TTLL7: variants seen among roughly 807,000 people sequenced by gnomAD.
TTLL7 encodes the protein tubulin tyrosine ligase like 7.
In TTLL7, 53 loss-of-function variants were observed where a neutral mutation model predicts 120.2. The ratio of observed to expected loss-of-function variants is 0.44; its 90% CI spans 0.35 to 0.55. The LOEUF (loss-of-function observed/expected upper bound fraction) is 0.55, where lower values mean the gene tolerates loss of function less well. Among genes scored for constraint, TTLL7 ranks in the 20% least tolerant of loss-of-function variants. TTLL7 has a pLI of 0.00. For missense variants in TTLL7, 803 were observed against 1,054.7 expected (o/e 0.76, Z 3.31); for synonymous variants, 353 against 351.7 (o/e 1.00, Z -0.04).
intron 12 of TTLL7, 103 bp from the exon 13 acceptor site, chr1:83,919,937 G>T: frequency 9.5e-7 from 1 of 1,047,156 alleles, no homozygotes; most frequent in Non-Finnish European, 1.4e-6. Context: ...TTCTATACCA[G>T]TCACATTGCC....
chr1:83,903,858 C>T (rs1458691583), intron 18 of TTLL7, among the ~76,000 whole-genome samples: 1 of 151,986 alleles, frequency 6.6e-6, no homozygotes, highest in Admixed American at 6.6e-5. Context: ...GACATCTTAA[C>T]TAGAATGTAA....
rs962092439 is a variant in TTLL7 at position 83,922,694 on chromosome 1, C to G, written c.1143-1300G>C. ...TCAGCTTCTCACATGGACTTGAATA[C>G]TAGGTTATTGAGCCTCAAATTTAAC... On this transcript the variant is annotated intron_variant, in intron 10 of 20. Transcript: ENST00000260505. 1.4e-5 allele frequency among the ~76,000 whole-genome samples: 2 copies of G among 139,822 alleles called. 1 individual carries two copies. The highest frequency in any genetic ancestry group is 3.1e-5 in the Non-Finnish European group (2 of 63,574). The allele number at this position is 139,822 out of a possible 152,430, so 91.7% of individuals were successfully genotyped here.
At chr1:83,885,726 ACTGTATCCCCTACTC>A (rs936212005) in intron 19 of TTLL7, among the ~76,000 whole-genome samples, 14 of 152,086 alleles carry the variant, frequency 9.2e-5, no homozygotes, top group African/African-American at 3.4e-4. Flanking sequence ...TGAGTACAGA[ACTGTATCCCCTACTC>A]CTACCTGCCA....
chr1:83,929,215 T>C lies in TTLL7; in HGVS notation c.1063A>G (p.Ser355Gly). ...TCTATTTTCTGATCAGTTCCAAAGC[T>C]TGGGGCTCGGTTAATCTGAAATTTA... ...PWLLEINRAP[S>G]FGTDQKIDYD... The change falls in exon 10 of 21, where the codon AGC becomes GGC. Residue 355 changes from serine to glycine, a missense_variant. Around this residue, in one of 3 missense-constraint regions of TTLL7, gnomAD observed 324 missense variants for 507.7 expected, o/e 0.64. Coordinates refer to ENST00000260505, the MANE Select transcript of TTLL7 (RefSeq NM_024686.6). 2 of 1,610,678 alleles carry C rather than the reference T, an allele frequency of 1.2e-6. No individual in the cohort carries two copies. Among genetic ancestry groups the C allele is most frequent in the Non-Finnish European group, 8.5e-7 (1 of 1,178,044 alleles).
Position 83,942,508 on chromosome 1 carries a change from C to T in TTLL7, c.678G>A (p.Val226=), listed in dbSNP as rs1013301913. The T allele has an allele frequency of 2.5e-6, 4 of 1,613,876 alleles. No homozygotes were observed. The African/African-American group carries it at 5.3e-5, about 22-fold the overall frequency. ...LKIFLYHDGL[V]RMGTEKYIPP... ...GAATGTACTTCTCTGTACCCATTCG[C>T]ACAAGCCCATCATGGTAGAGAAATA... Residue 226 remains valine (V), a synonymous_variant, in exon 7 of 21, where the codon GTG becomes GTA. Coordinates refer to ENST00000260505, the MANE Select transcript of TTLL7 (RefSeq NM_024686.6).
intron 16 of TTLL7, among the ~76,000 whole-genome samples, chr1:83,906,679 T>A (rs952741930): frequency 2.0e-5 from 3 of 152,074 alleles, no homozygotes; most frequent in Non-Finnish European, 4.4e-5. Context: ...TTATACTTAT[T>A]TAGCTCAAAG....
At chr1:83,896,181 T>A (rs1297519578) in intron 18 of TTLL7, among the ~76,000 whole-genome samples, 1 of 152,098 alleles carries the variant, frequency 6.6e-6, no homozygotes, top group Non-Finnish European at 1.5e-5. Context: ...GGTGCCCTTG[T>A]GTTATCTGTG....
Position 83,921,359 on chromosome 1 carries a change from T to G in TTLL7, c.1178A>C (p.Lys393Thr). ...SDKRRNLAKQ[K>T]AEAQRRLYGQ... The stretch of plus-strand genomic sequence containing the variant: ...ATAGAGCCTCCTTTGAGCCTCAGCT[T>G]TTTGTTTGGCCAAGTTTCTTCTTTT... The change falls in exon 11 of 21, where the codon AAA becomes ACA. Residue 393 changes from lysine (K) to threonine (T), a missense_variant. This residue lies in a region of TTLL7 where 324 missense variants were observed against 507.7 expected (regional missense o/e 0.64). Coordinates refer to ENST00000260505, the MANE Select transcript of TTLL7 (RefSeq NM_024686.6). The G allele has an allele frequency of 3.1e-6, 5 of 1,611,900 alleles. No individual in the cohort carries two copies. Among genetic ancestry groups the G allele is most frequent in the Non-Finnish European group, 4.2e-6 (5 of 1,179,714 alleles).
At position 83,866,519 on chromosome 1, in the gene TTLL7, A is replaced by C. The variant is rs1264886625; in HGVS notation, c.*3443T>G. Reference sequence around the variant, plus strand: ...GATGAAAAGAAGTTTAGGTTTCTTCATTTGGGTTTGGTTTGGTTTTAGTTT... The same window carrying C: ...GATGAAAAGAAGTTTAGGTTTCTTCCTTTGGGTTTGGTTTGGTTTTAGTTT... On this transcript the variant is annotated 3_prime_UTR_variant, in exon 21 of 21. Transcript: ENST00000260505. 6.6e-6 allele frequency: 1 copy of C among 151,786 alleles called. No homozygotes were observed. Among genetic ancestry groups the C allele is most frequent in the Admixed American group, 6.6e-5 (1 of 15,228 alleles). The allele number at this position is 151,786 out of a possible 1,614,324, so 9.4% of individuals were successfully genotyped here. A position where few individuals can be genotyped will look rare whatever the true frequency, so the allele number is the denominator to read the frequency against.
intron 4 of TTLL7, chr1:83,949,301 G>GA (rs1648804187): frequency 6.9e-6 from 1 of 145,818 alleles, no homozygotes. Flanking sequence ...AGGAAGAGGT[G>GA]TTTTTTTTGT....
At chr1:83,882,935 T>C in intron 20 of TTLL7, 28 bp downstream of exon 20, 1 of 1,598,190 alleles carries the variant, frequency 6.3e-7, no homozygotes, top group Non-Finnish European at 8.5e-7. Context: ...CATAAAACTC[T>C]CAAGGGTTAG....
chr1:83,902,865 T>C (rs1182538553), intron 18 of TTLL7, among the ~76,000 whole-genome samples: 1 of 151,894 alleles, frequency 6.6e-6, no homozygotes, highest in Non-Finnish European at 1.5e-5. Flanking sequence ...AAAAATAAAA[T>C]GAAACAACAG....
At chr1:83,873,407 C>T (rs680627) in intron 20 of TTLL7, among the ~76,000 whole-genome samples, 119,471 of 152,138 alleles carry the variant, frequency 0.79, 47,207 homozygotes, top group East Asian at 0.89. Context: ...TGAAGTTAAA[C>T]AATTTGATTT....
chr1:83,884,752 T>C (rs138886161), intron 19 of TTLL7, among the ~76,000 whole-genome samples: 3,313 of 146,048 alleles, frequency 0.023, 141 homozygotes, highest in African/African-American at 0.078. Context: ...AGGGATAGCA[T>C]TGGGAGATAT....
intron 20 of TTLL7, among the ~76,000 whole-genome samples, chr1:83,882,403 A>C (rs1424131213): frequency 1.5e-5 from 1 of 64,772 alleles, no homozygotes; most frequent in South Asian, 4.7e-4. Context: ...GCTAAAAGGT[A>C]CTTTCTTTAC....
rs535505573 is a variant in TTLL7 at position 83,878,600 on chromosome 1, G to A, written c.2543+4363C>T. Among the ~76,000 whole-genome samples, 13 of 151,962 alleles carry A rather than the reference G, an allele frequency of 8.6e-5. No individual in the cohort carries two copies. The South Asian group carries it at 2.7e-3, about 32-fold the overall frequency. On this transcript the variant is annotated intron_variant, in intron 20 of 20. Transcript: ENST00000260505. Reference sequence around the variant, plus strand: ...AGGTACTGGGTTAGCAAGTACTTTCGAGTAAATGTGATATTTTGTACAGCT... The same window carrying A: ...AGGTACTGGGTTAGCAAGTACTTTCAAGTAAATGTGATATTTTGTACAGCT...
At chr1:83,938,210 T>C (rs941667626) in intron 7 of TTLL7, among the ~76,000 whole-genome samples, 194 bp from the exon 8 acceptor site, 17 of 152,216 alleles carry the variant, frequency 1.1e-4, no homozygotes, top group Admixed American at 6.5e-5. Context: ...GTTGAGAATG[T>C]AGTCATCTAC....
At chr1:83,892,572 A>G (rs1435302239) in intron 18 of TTLL7, among the ~76,000 whole-genome samples, 12 of 135,626 alleles carry the variant, frequency 8.8e-5, no homozygotes, top group East Asian at 4.0e-4. Context: ...ATGAACATAT[A>G]TATGAACATA....
intron 10 of TTLL7, among the ~76,000 whole-genome samples, chr1:83,921,799 T>C (rs537782842): frequency 6.6e-6 from 1 of 152,152 alleles, no homozygotes; most frequent in Non-Finnish European, 1.5e-5. Context: ...GTAACATTAA[T>C]AGGTACTTAA....
Sources: allele counts gnomAD v4.1 joint callset (sites outside exome capture counted in the v4.1 genomes callset), GRCh38; gene constraint gnomAD v4.1.1; regional missense constraint gnomAD v4.1.1; transcripts MANE v1.5; gene names NCBI Gene and HGNC (gene_info 2026-07-23, HGNC 2026-07-21).